Variants in CDYL2 observed in about 807,000 individuals in gnomAD.
CDYL2 encodes the protein chromodomain Y-like protein 2.
CDYL2 carries 23 observed loss-of-function variants against 49.4 expected under a neutral mutation model. The ratio of observed to expected loss-of-function variants is 0.47; its 90% CI spans 0.34 to 0.66. The LOEUF is 0.66. CDYL2 is among the 30% of genes least tolerant of loss of function. The pLI, the probability that CDYL2 is intolerant of heterozygous loss-of-function variation, is 0.01. For synonymous variants in CDYL2, 360 were observed against 268.8 expected, an observed-to-expected ratio of 1.34 and a Z score of -3.32; for missense variants, 678 against 656.4, an observed-to-expected ratio of 1.03 and a Z score of -0.36.
chr16:80,715,348 G>A (rs1001049560), intron 1 of CDYL2, among the ~76,000 whole-genome samples: 1 of 152,158 alleles, frequency 6.6e-6, no homozygotes, highest in Non-Finnish European at 1.5e-5. Flanking sequence ...GGCTCTGGAA[G>A]ACCATAACCA....
At chr16:80,730,934 T>C (rs955071573) in intron 1 of CDYL2, among the ~76,000 whole-genome samples, 1 of 152,124 alleles carries the variant, frequency 6.6e-6, no homozygotes, top group Non-Finnish European at 1.5e-5. Context: ...CAGATCAGTA[T>C]GGTTAATGAG....
rs555899033 is a variant in CDYL2, at chr16:80,792,602, G to A, written c.24+11548C>T. On this transcript the variant is annotated intron_variant, in intron 1 of 6. Coordinates refer to ENST00000570137, the MANE Select transcript of CDYL2 (RefSeq NM_152342.4). ...CAACAACCAAAAGTACAACCAAGGT[G>A]ACAGGTGTGTTCTGGGGATCCAGAG... Among the ~76,000 whole-genome samples, 32 of 152,280 alleles carry A rather than the reference G, an allele frequency of 2.1e-4. No homozygotes were observed. In the South Asian group the frequency reaches 6.7e-3, roughly 32 times the overall value.
chr16:80,784,782 C>G (rs1431542158), intron 1 of CDYL2, among the ~76,000 whole-genome samples: 1 of 152,140 alleles, frequency 6.6e-6, no homozygotes, highest in Non-Finnish European at 1.5e-5. Flanking sequence ...TGACTGATTA[C>G]AATGATCAGT....
intron 1 of CDYL2, among the ~76,000 whole-genome samples, chr16:80,778,643 T>C (rs1907168047): frequency 1.3e-5 from 2 of 152,068 alleles, no homozygotes; most frequent in African/African-American, 2.4e-5. Context: ...AGGTATCAAC[T>C]TTATCCAAAG....
At chr16:80,658,124 C>T (rs1408482550) in intron 2 of CDYL2, among the ~76,000 whole-genome samples, 1 of 142,424 alleles carries the variant, frequency 7.0e-6, no homozygotes, top group Non-Finnish European at 1.5e-5. Context: ...AAAAAAATCA[C>T]AAGAAGAATA....
At chr16:80,675,633 T>C (rs1909714058) in intron 2 of CDYL2, among the ~76,000 whole-genome samples, 1 of 151,954 alleles carries the variant, frequency 6.6e-6, no homozygotes, top group Admixed American at 6.5e-5. Flanking sequence ...GAGGTGAAGT[T>C]TTATTATTGT....
intron 1 of CDYL2, among the ~76,000 whole-genome samples, chr16:80,795,793 C>T (rs1372899688): frequency 2.0e-5 from 3 of 152,132 alleles, no homozygotes; most frequent in African/African-American, 7.2e-5. Context: ...AGTCTAAGAC[C>T]CAGAGCTCTA....
At chr16:80,629,806 T>C (rs1314604834) in intron 3 of CDYL2, among the ~76,000 whole-genome samples, 1 of 152,200 alleles carries the variant, frequency 6.6e-6, no homozygotes, top group East Asian at 1.9e-4. Context: ...TTCTGGTTCC[T>C]CCATTCACAA....
At chr16:80,626,371 T>G (rs1459125800) in intron 3 of CDYL2, among the ~76,000 whole-genome samples, 4 of 151,900 alleles carry the variant, frequency 2.6e-5, no homozygotes, top group African/African-American at 9.7e-5. Flanking sequence ...TTCATTAATT[T>G]GAGGGCAGGG....
intron 2 of CDYL2, among the ~76,000 whole-genome samples, chr16:80,644,039 G>A (rs1908223749): frequency 6.6e-6 from 1 of 152,170 alleles, no homozygotes; most frequent in Non-Finnish European, 1.5e-5. Flanking sequence ...TTTATGCTCT[G>A]TTTCCCTTTT....
intron 2 of CDYL2, among the ~76,000 whole-genome samples, chr16:80,649,062 T>G (rs559471435): frequency 2.6e-5 from 4 of 152,284 alleles, no homozygotes; most frequent in Admixed American, 2.0e-4. Context: ...TGAAAGCCTT[T>G]CCTCTAAGAT....
intron 1 of CDYL2, among the ~76,000 whole-genome samples, chr16:80,714,421 T>G (rs1904726906): frequency 6.6e-6 from 1 of 152,180 alleles, no homozygotes; most frequent in African/African-American, 2.4e-5. Context: ...TATACACATA[T>G]AGAAATATCA....
At chr16:80,633,947 C>A (rs890023252) in intron 2 of CDYL2, among the ~76,000 whole-genome samples, 1 of 152,274 alleles carries the variant, frequency 6.6e-6, no homozygotes, top group African/African-American at 2.4e-5. Flanking sequence ...CAGCCTCACA[C>A]AGGATACATC....
chr16:80,629,919 C>T (rs1348659305), intron 3 of CDYL2, among the ~76,000 whole-genome samples: 1 of 152,196 alleles, frequency 6.6e-6, no homozygotes, highest in Non-Finnish European at 1.5e-5. Context: ...ACTTTGTGGG[C>T]TCCTGTGCAT....
chr16:80,777,221 A>G (rs1292910148), intron 1 of CDYL2, among the ~76,000 whole-genome samples: 1 of 152,230 alleles, frequency 6.6e-6, no homozygotes, highest in African/African-American at 2.4e-5. Context: ...GGGGGCACAC[A>G]GAGGACTAGA....
At chr16:80,763,639 C>G (rs944624040) in intron 1 of CDYL2, among the ~76,000 whole-genome samples, 2 of 151,876 alleles carry the variant, frequency 1.3e-5, no homozygotes, top group African/African-American at 4.8e-5. Context: ...AAAAAAAACA[C>G]TTCTCATCAG....
intron 1 of CDYL2, among the ~76,000 whole-genome samples, chr16:80,708,202 G>A (rs1904471090): frequency 6.6e-6 from 1 of 152,160 alleles, no homozygotes; most frequent in Admixed American, 6.5e-5. Flanking sequence ...GTTTGGCTGT[G>A]TCCCCACCCA....
intron 6 of CDYL2, among the ~76,000 whole-genome samples, chr16:80,606,206 C>A (rs75069231): frequency 6.6e-6 from 1 of 152,236 alleles, no homozygotes; most frequent in African/African-American, 2.4e-5. Flanking sequence ...TGGCTCTTTC[C>A]CCCTGGAATG....
intron 1 of CDYL2, among the ~76,000 whole-genome samples, chr16:80,697,639 T>C (rs774303317): frequency 2.5e-4 from 38 of 152,114 alleles, no homozygotes; most frequent in Non-Finnish European, 5.4e-4. Context: ...ATTATCCTTG[T>C]TTGCACACAA....
Sources: allele counts gnomAD v4.1 joint callset (sites outside exome capture counted in the v4.1 genomes callset), GRCh38; gene constraint gnomAD v4.1.1; transcripts MANE v1.5; gene names NCBI Gene and HGNC (gene_info 2026-07-23, HGNC 2026-07-21).